The following KNL1 variants were observed in gnomAD, a reference collection of about 807,000 sequenced individuals.
KNL1 encodes kinetochore scaffold 1.
In KNL1, 66 loss-of-function variants were observed where a neutral mutation model predicts 201.3. That is an observed-to-expected ratio of 0.33 (90% confidence interval 0.27 to 0.40). The LOEUF is 0.40. KNL1 is among the 10% of genes least tolerant of loss of function. The pLI, the probability that KNL1 is intolerant of heterozygous loss-of-function variation, is 1.00. For missense variants in KNL1, 2,815 were observed against 2,690.5 expected, an observed-to-expected ratio of 1.05 and a Z score of -1.02; for synonymous variants, 895 against 899.2, an observed-to-expected ratio of 1.00 and a Z score of 0.08.
At chr15:40,638,499 CT>C (rs894525153) in intron 13 of KNL1, among the ~76,000 whole-genome samples, 9 of 148,838 alleles carry the variant, frequency 6.0e-5, no homozygotes, top group Admixed American at 2.0e-4. Context: ...TCTTTTCTTT[CT>C]TTTTTTTTTG....
chr15:40,650,257 A>T (rs776418412), intron 17 of KNL1, 44 bp from the exon 18 acceptor site: 1 of 1,176,828 alleles, frequency 8.5e-7, no homozygotes, highest in Admixed American at 2.2e-5. Context: ...TTCTTTTTTT[A>T]CTATTTTTCA....
chr15:40,603,779 C>G (rs1436474365), intron 2 of KNL1, among the ~76,000 whole-genome samples: 1 of 152,248 alleles, frequency 6.6e-6, no homozygotes, highest in African/African-American at 2.4e-5. Flanking sequence ...CAGGGCTACT[C>G]TGTAGGCAGT....
At chr15:40,594,499 G>T (rs1286718425) in intron 1 of KNL1, 107 bp downstream of exon 1, 2 of 152,300 alleles carry the variant, frequency 1.3e-5, no homozygotes, top group East Asian at 3.9e-4. Flanking sequence ...CCTCAGCCTG[G>T]CGGCCTCCGT....
Position 40,645,767 on chromosome 15 carries a change from G to A in KNL1, c.6001G>A (p.Ala2001Thr), listed in dbSNP as rs1893365063. 1 of 1,556,326 alleles carries A rather than the reference G, an allele frequency of 6.4e-7. No individual in the cohort carries two copies. The highest frequency in any genetic ancestry group is 1.4e-5 in the African/African-American group (1 of 73,212). ...TCTGTATGGCAAGCTGGTGCAGTCA[G>A]CTCAGGTAATTTGAGACAGTTAATA... ...VALYGKLVQS[A>T]QNEREKLQIK... Residue 2001 changes from alanine (A) to threonine (T), a missense_variant, in exon 16 of 26, where the codon GCT (alanine) becomes ACT (threonine). Ala to Thr is a moderately conservative substitution (Grantham distance 58). This residue lies in a region of KNL1 where 334 missense variants were observed against 362.6 expected (regional missense o/e 0.92). Coordinates refer to ENST00000399668, the MANE Select transcript of KNL1 (RefSeq NM_144508.5).
At chr15:40,634,114 T>G (rs1892990456) in intron 13 of KNL1, among the ~76,000 whole-genome samples, 1 of 152,128 alleles carries the variant, frequency 6.6e-6, no homozygotes. Context: ...TTTGTTTGTT[T>G]GTTTGTTTTG....
intron 20 of KNL1, 43 bp from the exon 21 acceptor site, chr15:40,651,962 A>C: frequency 7.0e-7 from 1 of 1,433,902 alleles, no homozygotes; most frequent in Non-Finnish European, 9.8e-7. Context: ...TTTTATGTTA[A>C]TTTTAAAAAC....
intron 14 of KNL1, among the ~76,000 whole-genome samples, chr15:40,644,673 G>C: frequency 6.6e-6 from 1 of 152,222 alleles, no homozygotes; most frequent in Non-Finnish European, 1.5e-5. Context: ...CTGGTTTATT[G>C]AGACTAGAGA....
intron 13 of KNL1, among the ~76,000 whole-genome samples, chr15:40,631,398 C>A (rs1486380156): frequency 6.6e-6 from 1 of 152,056 alleles, no homozygotes. Flanking sequence ...GTGGGACATA[C>A]AGCAAAAGCT....
rs372430127 is a variant in KNL1 at position 40,645,639 on chromosome 15, A to G, written c.5890-17A>G. ...CGTTTGTTTTAGTACAGTGTTCTCTATAACTTTCCCTTCCAGCTGAAGGCC... is the reference window on the plus strand; with the variant it reads ...CGTTTGTTTTAGTACAGTGTTCTCTGTAACTTTCCCTTCCAGCTGAAGGCC... On this transcript the variant is annotated splice_polypyrimidine_tract_variant and intron_variant, in intron 15 of 25. Coordinates refer to ENST00000399668, the MANE Select transcript of KNL1 (RefSeq NM_144508.5). The G allele has an allele frequency of 4.4e-5, 64 of 1,440,092 alleles. No individual in the cohort carries two copies. The highest frequency in any genetic ancestry group is 7.0e-5 in the African/African-American group (5 of 71,226). The allele number at this position is 1,440,092 out of a possible 1,614,324, so 89.2% of individuals were successfully genotyped here. A position where few individuals can be genotyped will look rare whatever the true frequency, so the allele number is the denominator to read the frequency against.
Position 40,662,622 on chromosome 15 carries a change from G to C in KNL1, c.*434G>C, listed in dbSNP as rs916114671. The stretch of plus-strand genomic sequence containing the variant: ...ATATTTCTGGAGTAGAAATGTATCT[G>C]TCTACAAACTATTATCCTTTTTCTC... On this transcript the variant is annotated 3_prime_UTR_variant, in exon 26 of 26. Transcript: ENST00000399668. The C allele has an allele frequency of 5.0e-6, 1 of 202,002 alleles. No homozygotes were observed. Among genetic ancestry groups the C allele is most frequent in the Non-Finnish European group, 1.0e-5 (1 of 98,440 alleles). 12.5% of individuals were successfully genotyped at this position (202,002 alleles called of 1,614,324 possible). A position where few individuals can be genotyped will look rare whatever the true frequency, so the allele number is the denominator to read the frequency against.
At chr15:40,652,547 A>G (rs1893600122) in intron 21 of KNL1, among the ~76,000 whole-genome samples, 1 of 148,310 alleles carries the variant, frequency 6.7e-6, no homozygotes, top group Non-Finnish European at 1.5e-5. Context: ...AGGTGGGCGG[A>G]TCATCTGAGG....
intron 14 of KNL1, among the ~76,000 whole-genome samples, chr15:40,641,354 G>A (rs1009914234): frequency 1.3e-5 from 2 of 152,178 alleles, no homozygotes; most frequent in Non-Finnish European, 1.5e-5. Context: ...TTAGGAAAAG[G>A]TAGGTCCTTA....
At chr15:40,628,470 A>G (rs1322670490) in intron 11 of KNL1, 141 bp from the exon 12 acceptor site, 2 of 659,882 alleles carry the variant, frequency 3.0e-6, no homozygotes, top group African/African-American at 1.8e-5. Flanking sequence ...ACTATAATAT[A>G]CTTTGCCCTG....
At position 40,621,280 on chromosome 15, in the gene KNL1, T is replaced by C. The variant is rs2141719643; in HGVS notation, c.1016T>C (p.Ile339Thr). The change falls in exon 10 of 26, where the codon ATA (isoleucine) becomes ACA (threonine). Residue 339 changes from isoleucine (I) to threonine (T), a missense_variant. Ile to Thr is a moderately conservative substitution (Grantham distance 89). Transcript: ENST00000399668. ...CCTGCAACAGGTAATTTTTCTGAAA[T>C]AGAAAATCAAACTCAGAATGCCATG... ...ILPATGNFSE[I>T]ENQTQNAMDV... is the part of the protein sequence containing the mutation. 1 of 1,613,896 alleles carries C rather than the reference T, an allele frequency of 6.2e-7. No individual in the cohort carries two copies. Among genetic ancestry groups the C allele is most frequent in the Non-Finnish European group, 8.5e-7 (1 of 1,179,916 alleles).
At position 40,624,178 on chromosome 15, in the gene KNL1, T is replaced by C. The variant is rs1892654570; in HGVS notation, c.3914T>C (p.Leu1305Ser). 6.2e-7 allele frequency: 1 copy of C among 1,613,866 alleles called. No individual in the cohort carries two copies. The highest frequency in any genetic ancestry group is 1.3e-5 in the African/African-American group (1 of 74,932). The stretch of plus-strand genomic sequence containing the variant: ...GGATCCAGTGATAATTATTCCTGTT[T>C]ACCAAATGTTATTTCCTGTACTGAT... ...VCGSSDNYSCLPNVISCTDNL... is the reference protein window; with the variant it reads ...VCGSSDNYSCSPNVISCTDNL... Residue 1305 changes from leucine (L) to serine (S), a missense_variant, in exon 10 of 26, where the codon TTA becomes TCA. By Grantham distance (145) the Leu-to-Ser change is moderately radical (BLOSUM62 -2). Around this residue, in one of 3 missense-constraint regions of KNL1, gnomAD observed 2,464 missense variants for 2,291.7 expected, o/e 1.08. Transcript: ENST00000399668.
At chr15:40,613,237 A>G (rs374987639) in intron 7 of KNL1, among the ~76,000 whole-genome samples, 85 of 152,316 alleles carry the variant, frequency 5.6e-4, no homozygotes, top group African/African-American at 1.9e-3. Context: ...TGGGTAAAAC[A>G]GGGAAGAAGA....
intron 1 of KNL1, among the ~76,000 whole-genome samples, chr15:40,601,354 A>C (rs1188362950): frequency 6.6e-6 from 1 of 152,128 alleles, no homozygotes; most frequent in Non-Finnish European, 1.5e-5. Flanking sequence ...AAGGTTGGGG[A>C]CCACTTATCT....
intron 7 of KNL1, among the ~76,000 whole-genome samples, chr15:40,613,955 G>A (rs1341283153): frequency 1.3e-5 from 2 of 151,590 alleles, no homozygotes; most frequent in African/African-American, 2.4e-5. Flanking sequence ...CTGCCACCAC[G>A]CCTGGCTCAT....
At chr15:40,596,637 A>C (rs1162581632) in intron 1 of KNL1, among the ~76,000 whole-genome samples, 1 of 152,042 alleles carries the variant, frequency 6.6e-6, no homozygotes, top group African/African-American at 2.4e-5. Context: ...TGGACACTGC[A>C]CAACTTCTGA....
Sources: allele counts gnomAD v4.1 joint callset (sites outside exome capture counted in the v4.1 genomes callset), GRCh38; gene constraint gnomAD v4.1.1; regional missense constraint gnomAD v4.1.1; transcripts MANE v1.5; gene names NCBI Gene and HGNC (gene_info 2026-07-23, HGNC 2026-07-21).